The following ADGRV1 variants were observed in gnomAD, a reference collection of about 807,000 sequenced individuals.
ADGRV1 encodes the protein G-protein coupled receptor 98.
Under a neutral mutation model 596.2 loss-of-function variants are expected in ADGRV1, and 359 were observed. The ratio of observed to expected loss-of-function variants is 0.60; its 90% CI spans 0.55 to 0.66. ADGRV1 has a LOEUF of 0.66. Ranked by LOEUF, ADGRV1 falls within the 30% of genes least tolerant of loss-of-function variation. The probability of loss-of-function intolerance (pLI) is 0.00; values close to 1 mark genes in which losing one functional copy is unlikely to be tolerated. For missense variants in ADGRV1, 7,274 were observed against 7,575.6 expected (o/e 0.96, Z 1.48); for synonymous variants, 2,681 against 2,679.2 (o/e 1.00, Z -0.02).
rs1768977647 is a variant in ADGRV1 at position 90,653,677 on chromosome 5, A to G, written c.4103A>G (p.Asn1368Ser). 2.5e-6 allele frequency: 4 copies of G among 1,613,420 alleles called. No homozygotes were observed. Among genetic ancestry groups the G allele is most frequent in the South Asian group, 2.2e-5 (2 of 90,930 alleles). Residue 1368 changes from asparagine (N) to serine (S), a missense_variant, in exon 20 of 90, where the codon AAT becomes AGT. By Grantham distance (46) the Asn-to-Ser change is conservative. Around this residue, in one of 5 missense-constraint regions of ADGRV1, gnomAD observed 1,715 missense variants for 1,708.8 expected, o/e 1.00. Coordinates refer to ENST00000405460, the MANE Select transcript of ADGRV1 (RefSeq NM_032119.4). ...SAWVMPNANT[N>S]GFIIAKDDGN... ...TGGGTAATGCCCAATGCCAATACGA[A>G]TGGATTCATTATAGCGAAGGATGAC...
intron 86 of ADGRV1, among the ~76,000 whole-genome samples, chr5:91,079,999 A>G (rs1789202256): frequency 6.6e-6 from 1 of 152,134 alleles, no homozygotes; most frequent in African/African-American, 2.4e-5. Flanking sequence ...ACGATTCACC[A>G]TTCATCAGGC....
chr5:90,946,510 C>T (rs1041593104), intron 83 of ADGRV1, among the ~76,000 whole-genome samples: 3 of 151,886 alleles, frequency 2.0e-5, no homozygotes, highest in East Asian at 1.9e-4. Flanking sequence ...AGGTTTGTTA[C>T]GTAGGTAAAC....
chr5:90,831,011 A>G (rs1764471754), intron 77 of ADGRV1, among the ~76,000 whole-genome samples: 1 of 152,072 alleles, frequency 6.6e-6, no homozygotes, highest in Non-Finnish European at 1.5e-5. Context: ...CTCAAAATGG[A>G]ACATTGGCTA....
At chr5:90,605,060 C>A (rs1210013954) in intron 1 of ADGRV1, among the ~76,000 whole-genome samples, 1 of 152,102 alleles carries the variant, frequency 6.6e-6, no homozygotes, top group African/African-American at 2.4e-5. Flanking sequence ...ATGACTCATG[C>A]AAACGGGAGT....
intron 86 of ADGRV1, among the ~76,000 whole-genome samples, chr5:91,084,877 C>T (rs1282090481): frequency 6.6e-6 from 1 of 152,178 alleles, no homozygotes; most frequent in East Asian, 1.9e-4. Flanking sequence ...GGCACATATA[C>T]ACCATGGAAT....
At chr5:90,629,807 C>G in intron 9 of ADGRV1, 1 of 298,630 alleles carries the variant, frequency 3.3e-6, no homozygotes, top group Non-Finnish European at 6.3e-6. Context: ...TCATGCAAGT[C>G]AGACTGTCAT....
At chr5:91,095,242 C>T (rs6864840) in intron 86 of ADGRV1, among the ~76,000 whole-genome samples, 2,813 of 152,028 alleles carry the variant, frequency 0.019, 77 homozygotes, top group African/African-American at 0.063. Context: ...CACTCTGTCA[C>T]CCAGGCTGGA....
At chr5:90,589,250 C>T (rs1201458966) in intron 1 of ADGRV1, among the ~76,000 whole-genome samples, 1 of 152,026 alleles carries the variant, frequency 6.6e-6, no homozygotes, top group South Asian at 2.1e-4. Flanking sequence ...AAAGACTCCC[C>T]GTATTTCAGT....
At chr5:91,035,861 T>TATAAATATATATATATATATATATA in intron 85 of ADGRV1, among the ~76,000 whole-genome samples, 1 of 96,402 alleles carries the variant, frequency 1.0e-5, no homozygotes, top group Non-Finnish European at 2.2e-5. Flanking sequence ...TATATATATA[T>TATAAATATATATATATATATATATA]TATATATATA....
intron 85 of ADGRV1, among the ~76,000 whole-genome samples, chr5:91,010,410 G>A (rs1397061309): frequency 2.0e-5 from 3 of 151,990 alleles, no homozygotes; most frequent in Non-Finnish European, 2.9e-5. Context: ...GATCTTGGAG[G>A]GACTTTTCAT....
chr5:91,035,862 T>TATATA (rs1784848767), intron 85 of ADGRV1, among the ~76,000 whole-genome samples: 4 of 16,522 alleles, frequency 2.4e-4, no homozygotes, highest in Non-Finnish European at 1.1e-3. Context: ...ATATATATAT[T>TATATA]ATATATATAT....
intron 83 of ADGRV1, among the ~76,000 whole-genome samples, chr5:90,923,707 G>T (rs1048284657): frequency 6.6e-6 from 1 of 152,074 alleles, no homozygotes; most frequent in African/African-American, 2.4e-5. Flanking sequence ...GTATACATGT[G>T]CCATGCTGGT....
At chr5:90,652,054 C>T (rs1311545643) in intron 18 of ADGRV1, among the ~76,000 whole-genome samples, 5 of 151,960 alleles carry the variant, frequency 3.3e-5, no homozygotes, top group Non-Finnish European at 7.4e-5. Flanking sequence ...CCACCCTGTA[C>T]TTTGCTTTTG....
At chr5:90,815,567 G>A (rs1762813076) in intron 74 of ADGRV1, 52 bp from the exon 75 acceptor site, 1 of 1,004,754 alleles carries the variant, frequency 1.0e-6, no homozygotes, top group African/African-American at 1.6e-5. Context: ...GAGCATGGGA[G>A]GTCTTTTAAA....
chr5:90,882,483 T>A (rs1769889409), intron 83 of ADGRV1, among the ~76,000 whole-genome samples: 1 of 152,206 alleles, frequency 6.6e-6, no homozygotes, highest in African/African-American at 2.4e-5. Flanking sequence ...AAAGCCTATT[T>A]TTTCTCACTA....
intron 83 of ADGRV1, among the ~76,000 whole-genome samples, chr5:90,872,086 G>A (rs1768738118): frequency 6.6e-6 from 1 of 152,132 alleles, no homozygotes; most frequent in African/African-American, 2.4e-5. Context: ...CCCTGAGCCT[G>A]CTTTTCTGTG....
At chr5:90,968,675 A>G (rs1325455845) in intron 84 of ADGRV1, among the ~76,000 whole-genome samples, 1 of 152,154 alleles carries the variant, frequency 6.6e-6, no homozygotes, top group Non-Finnish European at 1.5e-5. Context: ...ACCAACCTAC[A>G]TATTCCCATT....
intron 85 of ADGRV1, among the ~76,000 whole-genome samples, chr5:90,995,968 G>A (rs1303444879): frequency 6.6e-6 from 1 of 152,156 alleles, no homozygotes; most frequent in African/African-American, 2.4e-5. Context: ...TGACCTGGCT[G>A]CTTCTAAAAG....
At chr5:90,784,111 G>A in intron 67 of ADGRV1, 54 bp downstream of exon 67, 1 of 1,172,786 alleles carries the variant, frequency 8.5e-7, no homozygotes, top group Non-Finnish European at 1.2e-6. Context: ...ACTGAGTATG[G>A]TAGTGTGTTT....
Sources: allele counts gnomAD v4.1 joint callset (sites outside exome capture counted in the v4.1 genomes callset), GRCh38; gene constraint gnomAD v4.1.1; regional missense constraint gnomAD v4.1.1; transcripts MANE v1.5; gene names NCBI Gene and HGNC (gene_info 2026-07-23, HGNC 2026-07-21).